The following ENG variants were observed in gnomAD, a reference collection of about 807,000 sequenced individuals.
The protein encoded by ENG is CD105 antigen.
ENG carries 17 observed loss-of-function variants against 71.0 expected under a neutral mutation model. The ratio of observed to expected loss-of-function variants is 0.24; its 90% CI spans 0.16 to 0.36. ENG has a LOEUF of 0.36. Ranked by LOEUF, ENG falls within the 10% of genes least tolerant of loss-of-function variation. The pLI is 1.00. For synonymous variants in ENG, 360 were observed against 366.9 expected (o/e 0.98, Z 0.21); for missense variants, 749 against 868.3 (o/e 0.86, Z 1.73).
In ENG at chr9:127,818,969, GCT is replaced by G. The variant is rs780132862; in HGVS notation, c.1312-139_1312-138del. 9.7e-4 allele frequency: 724 copies of G among 747,638 alleles called. 3 individuals are homozygous for G. The highest frequency in any genetic ancestry group is 1.4e-3 in the Non-Finnish European group (617 of 431,660). 46.3% of individuals were successfully genotyped at this position (747,638 alleles called of 1,614,324 possible). On this transcript the variant is annotated intron_variant, in intron 10 of 14. Coordinates refer to ENST00000373203, the MANE Select transcript of ENG (RefSeq NM_001114753.3). ...TTTTTTTTTTTTGAGACGGAGTCTC[GCT>G]CTGTCGCCCAGGCTGGAGTGCAGTG...
intron 2 of ENG, among the ~76,000 whole-genome samples, chr9:127,837,774 G>GCATCCATCCATCCATCCATC (rs5900769): frequency 6.2e-5 from 7 of 112,962 alleles, no homozygotes; most frequent in Non-Finnish European, 7.1e-5. Context: ...ATGCATGAAT[G>GCATCCATCCATCCATCCATC]CATCCATCCA....
In ENG at chr9:127,838,079, G is replaced by A. The variant is rs976721868; in HGVS notation, c.219+5015C>T. Reference sequence around the variant, plus strand: ...GTCCACATGTGGACAGCTCAGCCCGGATACCCAAACTCCACCATGCCTGCC... The same window carrying A: ...GTCCACATGTGGACAGCTCAGCCCGAATACCCAAACTCCACCATGCCTGCC... On this transcript the variant is annotated intron_variant, in intron 2 of 14. Coordinates refer to ENST00000373203, the MANE Select transcript of ENG (RefSeq NM_001114753.3). This position sits in a 1 kb window ranked among gnomAD's most constrained non-coding sequence, Gnocchi z 4.3. Among the ~76,000 whole-genome samples the A allele has an allele frequency of 6.6e-6, 1 of 152,158 alleles. No homozygotes were observed. Among genetic ancestry groups the A allele is most frequent in the Non-Finnish European group, 1.5e-5 (1 of 68,024 alleles).
rs760694128 is a variant in ENG, at chr9:127,825,679, G to A, written c.689+16C>T. ...CGGGGTGGGGACTAGTGTCAGGGGC[G>A]GGGCGAGAGCCATACCCGGCCGAGT... On this transcript the variant is annotated intron_variant, in intron 5 of 14. Transcript: ENST00000373203. 21 of 1,552,362 alleles carry A rather than the reference G, an allele frequency of 1.4e-5. No individual in the cohort carries two copies. Among genetic ancestry groups the A allele is most frequent in the Middle Eastern group, 2.3e-4 (1 of 4,304 alleles).
chr9:127,850,481 G>A (rs1237868413), intron 1 of ENG, among the ~76,000 whole-genome samples: 1 of 152,210 alleles, frequency 6.6e-6, no homozygotes, highest in Admixed American at 6.5e-5. Flanking sequence ...TGGCTGGGGT[G>A]AGGGAGAATG....
chr9:127,826,003 G>C, intron 4 of ENG, 143 bp from the exon 5 acceptor site: 2 of 1,118,188 alleles, frequency 1.8e-6, no homozygotes, highest in Non-Finnish European at 2.6e-6. Flanking sequence ...ACCTAGGTTC[G>C]AACTTCCCTT....
At chr9:127,824,173 G>T in intron 8 of ENG, 131 bp downstream of exon 8, 1 of 1,301,896 alleles carries the variant, frequency 7.7e-7, no homozygotes. Context: ...CATTATACAA[G>T]TGGGAAAACT....
In ENG at chr9:127,854,496, C is replaced by G. The variant is rs1829100251; in HGVS notation, c.-141G>C. ...GGAGCGACGGCGTCCCTGCTCCAGC[C>G]TTCTGGGGTGGCGGCCGAGGGGTCA... On this transcript the variant is annotated 5_prime_UTR_variant, in exon 1 of 15. Transcript: ENST00000373203. 1 of 888,188 alleles carries G rather than the reference C, an allele frequency of 1.1e-6. No individual in the cohort carries two copies. Among genetic ancestry groups the G allele is most frequent in the African/African-American group, 1.7e-5 (1 of 58,132 alleles). 55.0% of individuals were successfully genotyped at this position (888,188 alleles called of 1,614,324 possible).
chr9:127,845,366 C>T (rs1195168221), intron 1 of ENG, among the ~76,000 whole-genome samples: 1 of 152,224 alleles, frequency 6.6e-6, no homozygotes, highest in Non-Finnish European at 1.5e-5. Context: ...CAACGCCATT[C>T]CCAGCTCTGT....
intron 7 of ENG, 114 bp downstream of exon 7, chr9:127,824,686 G>T: frequency 8.0e-7 from 1 of 1,246,074 alleles, no homozygotes; most frequent in South Asian, 1.6e-5. Flanking sequence ...GAAAAATGAG[G>T]CTCAGAGAGG....
intron 4 of ENG, 89 bp from the exon 5 acceptor site, chr9:127,825,949 G>A (rs1163597719): frequency 4.6e-6 from 7 of 1,510,338 alleles, no homozygotes; most frequent in African/African-American, 4.2e-5. Flanking sequence ...AGATAGTGGT[G>A]GGGCAGGCAG....
chr9:127,815,872 A>G (rs1359375688), intron 14 of ENG, 66 bp from the exon 15 acceptor site: 1 of 1,559,184 alleles, frequency 6.4e-7, no homozygotes, highest in Non-Finnish European at 8.7e-7. Context: ...AATCCCTCAG[A>G]GGCTTCACTG....
rs1028247842 is a variant in ENG, at chr9:127,838,968, G to A, written c.219+4126C>T. On this transcript the variant is annotated intron_variant, in intron 2 of 14. Coordinates refer to ENST00000373203, the MANE Select transcript of ENG (RefSeq NM_001114753.3). The surrounding 1 kb of genome is among the most constrained non-coding windows in gnomAD (Gnocchi z 4.3). ...AAGCCACTTCTCTGTGCCAGAGATC[G>A]AAGAAGCCGGCCATAGGTCAGGAGG... 2.6e-5 allele frequency among the ~76,000 whole-genome samples: 4 copies of A among 152,178 alleles called. No homozygotes were observed. The highest frequency in any genetic ancestry group is 4.8e-5 in the African/African-American group (2 of 41,428).
At chr9:127,833,522 C>CA (rs57982372) in intron 2 of ENG, among the ~76,000 whole-genome samples, 2,151 of 66,030 alleles carry the variant, frequency 0.033, 64 homozygotes, top group African/African-American at 0.082. Context: ...AACTCCGCCT[C>CA]AAAAAAAAAA....
chr9:127,834,420 CTTTTTT>C (rs577870673), intron 2 of ENG, among the ~76,000 whole-genome samples: 1 of 146,800 alleles, frequency 6.8e-6, no homozygotes, highest in African/African-American at 2.5e-5. Flanking sequence ...GTAATTTTTT[CTTTTTT>C]TGAGATGGAG....
intron 2 of ENG, among the ~76,000 whole-genome samples, chr9:127,841,729 G>A (rs1026082172): frequency 5.9e-5 from 9 of 152,150 alleles, no homozygotes; most frequent in Admixed American, 4.6e-4. Context: ...AGTCAGTATC[G>A]GGACCAAAGG....
At position 127,825,813 on chromosome 9, in the gene ENG, C is replaced by G; in HGVS notation, c.571G>C (p.Gly191Arg). ...FCMLEASQDM[G>R]RTLEWRPRTP... ...CGCGGCCGCCACTCGAGCGTGCGGC[C>G]CATGTCCTGGCTGGCTTCCAGCATG... Residue 191 changes from glycine to arginine, a missense_variant, in exon 5 of 15, where the codon GGC becomes CGC. Physicochemically the swap from Gly to Arg is moderately radical, Grantham distance 125 (BLOSUM62 -2). Transcript: ENST00000373203. The G allele has an allele frequency of 6.3e-7, 1 of 1,597,596 alleles. No homozygotes were observed. Among genetic ancestry groups the G allele is most frequent in the South Asian group, 1.1e-5 (1 of 88,498 alleles).
In ENG at chr9:127,824,928, C is replaced by T. The variant is rs770328302; in HGVS notation, c.863G>A (p.Arg288His). 28 of 1,613,840 alleles carry T rather than the reference C, an allele frequency of 1.7e-5. No individual in the cohort carries two copies. Among genetic ancestry groups the T allele is most frequent in the East Asian group, 4.5e-5 (2 of 44,876 alleles). The change falls in exon 7 of 15, where the codon CGT (arginine) becomes CAT (histidine). Residue 288 changes from arginine to histidine, a missense_variant. Coordinates refer to ENST00000373203, the MANE Select transcript of ENG (RefSeq NM_001114753.3). Reference protein sequence around the residue: ...SFKIFPEKNIRGFKLPDTPQG... With the variant: ...SFKIFPEKNIHGFKLPDTPQG... Reference sequence around the variant, plus strand: ...AGGTGTGTCTGGGAGCTTGAAGCCACGAATGTTTTTCTCTGGAAAGATCTT... The same window carrying T: ...AGGTGTGTCTGGGAGCTTGAAGCCATGAATGTTTTTCTCTGGAAAGATCTT...
At position 127,854,601 on chromosome 9, in the gene ENG, A is replaced by G. The variant is rs886063478; in HGVS notation, c.-246T>C. On this transcript the variant is annotated 5_prime_UTR_variant, in exon 1 of 15. Transcript: ENST00000373203. ...GGCGGGGAGGGGGTGCTGGGCTCCA[A>G]TGGATGGCAGTGACAGCAGCAGTCC... The G allele has an allele frequency of 2.6e-4, 147 of 564,762 alleles. 1 individual carries two copies. Among genetic ancestry groups the G allele is most frequent in the South Asian group, 3.3e-4 (15 of 45,070 alleles). 35.0% of individuals were successfully genotyped at this position (564,762 alleles called of 1,614,324 possible). A position where few individuals can be genotyped will look rare whatever the true frequency, so the allele number is the denominator to read the frequency against.
rs574561064 is a variant in ENG, at chr9:127,848,701, C to G, written c.68-5456G>C. On this transcript the variant is annotated intron_variant, in intron 1 of 14. Transcript: ENST00000373203. ...TCCTTGGAGAACCAGACCATACATG[C>G]CCAGGTGTGCTGTTTTGATTTGTCA... is the stretch of plus-strand genomic sequence containing the variant. 2.6e-5 allele frequency among the ~76,000 whole-genome samples: 4 copies of G among 152,308 alleles called. No individual in the cohort carries two copies. The South Asian group carries it at 6.2e-4, about 24-fold the overall frequency.
Sources: allele counts gnomAD v4.1 joint callset (sites outside exome capture counted in the v4.1 genomes callset), GRCh38; gene constraint gnomAD v4.1.1; non-coding constraint Gnocchi (gnomAD v3.1); transcripts MANE v1.5; gene names NCBI Gene and HGNC (gene_info 2026-07-23, HGNC 2026-07-21).